The following CAPZA1 variants were observed in gnomAD, a reference collection of about 807,000 sequenced individuals.
CAPZA1 encodes capping actin protein of muscle Z-line subunit alpha 1.
A neutral mutation model predicts 40.8 loss-of-function variants in CAPZA1; 10 were observed. The observed-to-expected ratio is 0.25, with a 90% CI of 0.15 to 0.42. CAPZA1 has a LOEUF of 0.42. Ranked by LOEUF, CAPZA1 falls within the 10% of genes least tolerant of loss-of-function variation. CAPZA1 has a pLI of 1.00. For missense variants in CAPZA1, 277 were observed against 353.8 expected (o/e 0.78, Z 1.74); for synonymous variants, 98 against 115.0 (o/e 0.85, Z 0.95).
intron 1 of CAPZA1, among the ~76,000 whole-genome samples, chr1:112,626,739 A>G (rs1457626734): frequency 6.6e-6 from 1 of 152,200 alleles, no homozygotes; most frequent in African/African-American, 2.4e-5. Flanking sequence ...CTGGTTTATC[A>G]TAAATTCTTC....
rs935251840 is a variant in CAPZA1 at position 112,638,890 on chromosome 1, G to A, written c.40-8320G>A. On this transcript the variant is annotated intron_variant, in intron 1 of 9. Coordinates refer to ENST00000263168, the MANE Select transcript of CAPZA1 (RefSeq NM_006135.3). ...TGCACTCCGGCCTGGGCAACAGAGCGAGACTCCATAGATATAGATATAGAT... is the reference window on the plus strand; with the variant it reads ...TGCACTCCGGCCTGGGCAACAGAGCAAGACTCCATAGATATAGATATAGAT... 8.6e-5 allele frequency among the ~76,000 whole-genome samples: 10 copies of A among 116,856 alleles called. No homozygotes were observed. In the East Asian group the frequency reaches 1.7e-3, roughly 20 times the overall value. 76.7% of individuals were successfully genotyped at this position (116,856 alleles called of 152,430 possible).
chr1:112,633,584 A>G (rs776375009), intron 1 of CAPZA1, among the ~76,000 whole-genome samples: 29 of 152,198 alleles, frequency 1.9e-4, no homozygotes, highest in Non-Finnish European at 1.3e-4. Flanking sequence ...CTGACATACC[A>G]ATTTCAGTTC....
chr1:112,622,742 G>A (rs928644029), intron 1 of CAPZA1, among the ~76,000 whole-genome samples: 1 of 152,128 alleles, frequency 6.6e-6, no homozygotes, highest in African/African-American at 2.4e-5. Context: ...AAAACTACAT[G>A]CTTTCAGTTT....
intron 1 of CAPZA1, among the ~76,000 whole-genome samples, chr1:112,633,272 A>G (rs959909702): frequency 6.6e-6 from 1 of 151,762 alleles, no homozygotes; most frequent in Admixed American, 6.5e-5. Context: ...GGTAACCACC[A>G]TTCTATTCTC....
At chr1:112,647,157 T>G in intron 1 of CAPZA1, 53 bp from the exon 2 acceptor site, 1 of 831,518 alleles carries the variant, frequency 1.2e-6, no homozygotes, top group Non-Finnish European at 1.9e-6. Context: ...TATTTCTCCT[T>G]TTATATGTTA....
rs1553180448 is a variant in CAPZA1 at position 112,656,466 on chromosome 1, T to TTTCC, written c.426+1795_426+1796insTTCC. Among the ~76,000 whole-genome samples, 7 of 94,410 alleles carry TTTCC rather than the reference T, an allele frequency of 7.4e-5. 1 individual carries two copies. The highest frequency in any genetic ancestry group is 2.8e-4 in the African/African-American group (7 of 25,068). 61.9% of individuals were successfully genotyped at this position (94,410 alleles called of 152,430 possible). A position where few individuals can be genotyped will look rare whatever the true frequency, so the allele number is the denominator to read the frequency against. On this transcript the variant is annotated intron_variant, in intron 5 of 9. Coordinates refer to ENST00000263168, the MANE Select transcript of CAPZA1 (RefSeq NM_006135.3). ...TTTTTTTTTTTTTTTTTTTTTTTTT[T>TTTCC]AATGAGAATACCCATTATGGTGGAC... is the stretch of plus-strand genomic sequence containing the variant.
chr1:112,628,570 C>T lies in CAPZA1; in HGVS notation c.39+8687C>T, dbSNP rs189964100. Among the ~76,000 whole-genome samples the T allele has an allele frequency of 1.9e-3, 283 of 152,246 alleles. 1 individual carries two copies. The highest frequency in any genetic ancestry group is 2.7e-3 in the Non-Finnish European group (182 of 68,016). ...ACTAGATAGTCCAAAGTATTGATGG[C>T]ATTTTGTTTCATAATAGGCATATGT... On this transcript the variant is annotated intron_variant, in intron 1 of 9. Transcript: ENST00000263168.
intron 1 of CAPZA1, among the ~76,000 whole-genome samples, chr1:112,624,900 G>T (rs894424110): frequency 2.6e-5 from 4 of 152,182 alleles, no homozygotes; most frequent in Non-Finnish European, 4.4e-5. Context: ...TTCATTGTCT[G>T]CTTTCCTACA....
At chr1:112,657,739 C>T (rs763016700) in intron 5 of CAPZA1, among the ~76,000 whole-genome samples, 29 of 151,984 alleles carry the variant, frequency 1.9e-4, no homozygotes, top group Non-Finnish European at 3.7e-4. Flanking sequence ...TTACAGGTGC[C>T]CACCACCACA....
At chr1:112,647,370 C>A in intron 2 of CAPZA1, 97 bp downstream of exon 2, 1 of 604,386 alleles carries the variant, frequency 1.7e-6, no homozygotes, top group Non-Finnish European at 2.6e-6. Flanking sequence ...GTAGCCATAG[C>A]TAAGTAAATC....
At chr1:112,635,431 T>C (rs534812388) in intron 1 of CAPZA1, among the ~76,000 whole-genome samples, 144 of 152,310 alleles carry the variant, frequency 9.5e-4, no homozygotes, top group African/African-American at 3.2e-3. Context: ...ATAAGTGGAA[T>C]GTGGATATTA....
In CAPZA1 at chr1:112,670,354, CTTTTTTTCTT is replaced by C. The variant is rs1453938218; in HGVS notation, c.*230_*239del. On this transcript the variant is annotated 3_prime_UTR_variant, in exon 10 of 10. Coordinates refer to ENST00000263168, the MANE Select transcript of CAPZA1 (RefSeq NM_006135.3). ...GTTACTGCTATATCTACGTGTAAAT[CTTTTTTTCTT>C]TTTTTTTTTTTTTTTTTGGTTAATT... 5.7e-4 allele frequency: 75 copies of C among 130,660 alleles called. No homozygotes were observed. The highest frequency in any genetic ancestry group is 2.5e-3 in the African/African-American group (54 of 21,586). The allele number at this position is 130,660 out of a possible 1,614,324, so 8.1% of individuals were successfully genotyped here.
Position 112,649,447 on chromosome 1 carries a change from C to G in CAPZA1, c.133C>G (p.Leu45Val). Residue 45 changes from leucine (L) to valine (V), a missense_variant, in exon 3 of 10, where the codon CTC (leucine) becomes GTC (valine). Transcript: ENST00000263168. ...TCGGCTACTACTTAATAATGACAAT[C>G]TCCTCAGGGAAGGGGCAGCACAGTA... is the stretch of plus-strand genomic sequence containing the variant. ...DVRLLLNNDN[L>V]LREGAAHAFA... The G allele has an allele frequency of 6.2e-7, 1 of 1,612,740 alleles. No homozygotes were observed.
intron 7 of CAPZA1, among the ~76,000 whole-genome samples, chr1:112,664,889 C>T (rs112948171): frequency 6.6e-6 from 1 of 151,984 alleles, no homozygotes; most frequent in Non-Finnish European, 1.5e-5. Context: ...GAGCCGAGAT[C>T]GTGCCATTGC....
chr1:112,665,185 T>TG (rs1156649446), intron 7 of CAPZA1, among the ~76,000 whole-genome samples: 7 of 148,740 alleles, frequency 4.7e-5, no homozygotes, highest in African/African-American at 1.7e-4. Flanking sequence ...TGTGTTTTTT[T>TG]TTTTTTTTTG....
chr1:112,628,190 C>T (rs1670852638), intron 1 of CAPZA1, among the ~76,000 whole-genome samples: 1 of 152,168 alleles, frequency 6.6e-6, no homozygotes, highest in African/African-American at 2.4e-5. Context: ...TTCTGAGTTC[C>T]ATCCTAGGTA....
At position 112,653,574 on chromosome 1, in the gene CAPZA1, T is replaced by A. The variant is rs201515907; in HGVS notation, c.156-24T>A. The A allele has an allele frequency of 1.7e-3, 1,869 of 1,127,090 alleles. 5 individuals are homozygous for A. The African/African-American group carries it at 0.017, about 10-fold the overall frequency. The allele number at this position is 1,127,090 out of a possible 1,614,324, so 69.8% of individuals were successfully genotyped here. A position where few individuals can be genotyped will look rare whatever the true frequency, so the allele number is the denominator to read the frequency against. On this transcript the variant is annotated intron_variant, in intron 3 of 9. Transcript: ENST00000263168. ...CTCTCCCTCTTTTTTTTTTTTTTTT[T>A]AAAAAACTTTTAAAAAAAAACAGTG...
intron 1 of CAPZA1, chr1:112,646,741 T>A (rs1671288314): frequency 6.6e-6 from 1 of 152,114 alleles, no homozygotes. Flanking sequence ...TGTTAATTTT[T>A]TTTTTTTTTT....
intron 1 of CAPZA1, among the ~76,000 whole-genome samples, chr1:112,642,172 A>G (rs1354776944): frequency 6.8e-6 from 1 of 146,936 alleles, no homozygotes. Flanking sequence ...TCCATCTCAA[A>G]CATCACAGCC....
Sources: allele counts gnomAD v4.1 joint callset (sites outside exome capture counted in the v4.1 genomes callset), GRCh38; gene constraint gnomAD v4.1.1; transcripts MANE v1.5; gene names NCBI Gene and HGNC (gene_info 2026-07-23, HGNC 2026-07-21).